The following TTLL11 variants were observed in gnomAD, a reference collection of about 807,000 sequenced individuals.
TTLL11 encodes tubulin polyglutamylase TTLL11.
TTLL11 carries 42 observed loss-of-function variants against 51.7 expected under a neutral mutation model. That is an observed-to-expected ratio of 0.81 (90% CI 0.64 to 1.05). The LOEUF (loss-of-function observed/expected upper bound fraction) is 1.05, where lower values mean the gene tolerates loss of function less well. Ranked by LOEUF, TTLL11 falls within the 50% of genes least tolerant of loss-of-function variation. TTLL11 has a pLI of 0.00. For missense variants in TTLL11, 799 were observed against 940.4 expected, an observed-to-expected ratio of 0.85 and a Z score of 1.97; for synonymous variants, 381 against 383.5, an observed-to-expected ratio of 0.99 and a Z score of 0.08.
At chr9:121,994,502 G>C (rs1843199778) in intron 3 of TTLL11, among the ~76,000 whole-genome samples, 1 of 152,142 alleles carries the variant, frequency 6.6e-6, no homozygotes, top group African/African-American at 2.4e-5. Context: ...GATAGGGAGA[G>C]GGAGGCCCAG....
At position 122,046,773 on chromosome 9, in the gene TTLL11, T is replaced by C. The variant is rs147940470; in HGVS notation, c.463-7405A>G. 4.7e-3 allele frequency among the ~76,000 whole-genome samples: 712 copies of C among 152,176 alleles called. 5 individuals are homozygous for C. Among genetic ancestry groups the C allele is most frequent in the African/African-American group, 0.016 (678 of 41,514 alleles). On this transcript the variant is annotated intron_variant, in intron 1 of 8. Transcript: ENST00000321582. ...CTGTGAGATTGTAATTAAGCCTCTATCCTCAGGAGATAGAGATGAGGAAAC... is the reference window on the plus strand; with the variant it reads ...CTGTGAGATTGTAATTAAGCCTCTACCCTCAGGAGATAGAGATGAGGAAAC...
intron 6 of TTLL11, among the ~76,000 whole-genome samples, chr9:121,972,728 A>G (rs771213566): frequency 4.6e-5 from 7 of 152,266 alleles, no homozygotes; most frequent in Non-Finnish European, 8.8e-5. Flanking sequence ...TTCTGTGGCC[A>G]GGCCTTCCAC....
intron 6 of TTLL11, among the ~76,000 whole-genome samples, chr9:121,943,310 T>G (rs552352212): frequency 2.0e-5 from 3 of 152,200 alleles, no homozygotes; most frequent in Admixed American, 1.3e-4. Context: ...GAAACAGGCA[T>G]GAGTAGCCTG....
rs115562727 is a variant in TTLL11, at chr9:122,080,131, G to T, written c.462+12556C>A. On this transcript the variant is annotated intron_variant, in intron 1 of 8. Transcript: ENST00000321582. The stretch of plus-strand genomic sequence containing the variant: ...TAGCCATATCAAAATGCCCCACTTT[G>T]AACTATGCACTTATGATTAGAATTA... Among the ~76,000 whole-genome samples, 806 of 152,274 alleles carry T rather than the reference G, an allele frequency of 5.3e-3. 8 individuals carry two copies. The highest frequency in any genetic ancestry group is 0.019 in the African/African-American group (780 of 41,554).
chr9:121,902,418 G>A (rs1377652620), intron 6 of TTLL11, among the ~76,000 whole-genome samples: 4 of 152,186 alleles, frequency 2.6e-5, no homozygotes, highest in African/African-American at 7.2e-5. Context: ...TGTTCTGTGC[G>A]AGGCATTTCC....
At chr9:121,925,301 C>G (rs1840687040) in intron 6 of TTLL11, among the ~76,000 whole-genome samples, 1 of 152,266 alleles carries the variant, frequency 6.6e-6, no homozygotes, top group South Asian at 2.1e-4. Flanking sequence ...ACTAACACCT[C>G]TTGTGGGCCC....
intron 6 of TTLL11, among the ~76,000 whole-genome samples, chr9:121,969,125 C>T (rs765303258): frequency 3.9e-5 from 6 of 152,196 alleles, no homozygotes; most frequent in Non-Finnish European, 7.3e-5. Flanking sequence ...CCACCTTGGC[C>T]TCCCAAAGTG....
intron 6 of TTLL11, among the ~76,000 whole-genome samples, chr9:121,934,111 T>C (rs891547097): frequency 6.6e-5 from 10 of 152,060 alleles, no homozygotes; most frequent in Admixed American, 1.3e-4. Flanking sequence ...TGCCTACATG[T>C]AATCCCAGCT....
At chr9:121,909,613 T>C (rs1840045248) in intron 6 of TTLL11, among the ~76,000 whole-genome samples, 1 of 152,082 alleles carries the variant, frequency 6.6e-6, no homozygotes. Context: ...GGCAAATGAG[T>C]ACCTACATTC....
rs1836456082 is a variant in TTLL11 at position 121,817,880 on chromosome 9, C to G, written c.*4707G>C. ...AAAACAGAGTGCCAGTGATCCTCAT[C>G]CTTGGTGGGTTGGATGGATCTAGAA... On this transcript the variant is annotated 3_prime_UTR_variant, in exon 9 of 9. Coordinates refer to ENST00000321582, the MANE Select transcript of TTLL11 (RefSeq NM_001139442.2). 1 of 152,224 alleles carries G rather than the reference C, an allele frequency of 6.6e-6. No homozygotes were observed. The highest frequency in any genetic ancestry group is 1.5e-5 in the Non-Finnish European group (1 of 68,074). 9.4% of individuals were successfully genotyped at this position (152,224 alleles called of 1,614,324 possible). A position where few individuals can be genotyped will look rare whatever the true frequency, so the allele number is the denominator to read the frequency against.
chr9:121,955,045 T>C (rs10513384), intron 6 of TTLL11, among the ~76,000 whole-genome samples: 48,887 of 152,064 alleles, frequency 0.32, 8,121 homozygotes, highest in Middle Eastern at 0.36. Flanking sequence ...AGTTCTCCTA[T>C]GTGGTCAGAG....
intron 8 of TTLL11, among the ~76,000 whole-genome samples, chr9:121,843,101 C>T (rs773982214): frequency 1.9e-4 from 29 of 151,682 alleles, no homozygotes; most frequent in Admixed American, 7.2e-4. Flanking sequence ...CTATGGGGGC[C>T]GAGGCTGGAG....
At chr9:122,040,268 G>T in intron 1 of TTLL11, 1 of 808,808 alleles carries the variant, frequency 1.2e-6, no homozygotes, top group Non-Finnish European at 1.5e-6. Context: ...ACCCGCGTGA[G>T]CCTGTAAGAT....
intron 6 of TTLL11, among the ~76,000 whole-genome samples, chr9:121,876,405 C>A (rs893923721): frequency 6.6e-6 from 1 of 152,180 alleles, no homozygotes; most frequent in African/African-American, 2.4e-5. Context: ...TCACATGCCC[C>A]AGGGGCCTCG....
intron 7 of TTLL11, among the ~76,000 whole-genome samples, chr9:121,860,685 C>G (rs778430239): frequency 2.0e-5 from 3 of 152,218 alleles, no homozygotes; most frequent in Admixed American, 6.5e-5. Context: ...CCTGCCTCCT[C>G]TCTACTCTCC....
At chr9:122,004,064 G>A (rs977028543) in intron 3 of TTLL11, among the ~76,000 whole-genome samples, 3 of 151,782 alleles carry the variant, frequency 2.0e-5, no homozygotes, top group African/African-American at 7.3e-5. Context: ...GGAGGTTGCA[G>A]TGAGCCGAGA....
At chr9:122,009,675 T>TATATATA (rs1491513370) in intron 3 of TTLL11, among the ~76,000 whole-genome samples, 1 of 145,200 alleles carries the variant, frequency 6.9e-6, no homozygotes, top group African/African-American at 2.6e-5. Context: ...ATGAATGTTG[T>TATATATA]ATATATATAT....
At position 121,819,625 on chromosome 9, in the gene TTLL11, G is replaced by T. The variant is rs72762612; in HGVS notation, c.*2962C>A. On this transcript the variant is annotated 3_prime_UTR_variant, in exon 9 of 9. Transcript: ENST00000321582. ...AGGAGCGGGAAGGGGCAAGAGAGCG[G>T]GAGGGAGAAGACGCTGGAGATGGAT... Among the ~76,000 whole-genome samples the T allele has an allele frequency of 5.4e-3, 816 of 152,298 alleles. 6 individuals are homozygous for T. The highest frequency in any genetic ancestry group is 9.0e-3 in the Non-Finnish European group (615 of 68,020).
chr9:121,850,919 T>G (rs975583928), intron 8 of TTLL11, among the ~76,000 whole-genome samples: 2 of 152,186 alleles, frequency 1.3e-5, no homozygotes, highest in South Asian at 4.1e-4. Flanking sequence ...TAATTATGAT[T>G]GCCAAAAACT....
Sources: gnomAD v4.1 joint callset for allele counts (sites outside exome capture counted in the v4.1 genomes callset) on GRCh38, gnomAD v4.1.1 for gene constraint, MANE v1.5 for transcripts, NCBI Gene and HGNC (gene_info 2026-07-23, HGNC 2026-07-21) for gene names.